The following GDPD1 variants were observed in gnomAD, a reference collection of about 807,000 sequenced individuals.
GDPD1 encodes the protein lysophospholipase D GDPD1.
Under a neutral mutation model 45.1 loss-of-function variants are expected in GDPD1, and 28 were observed. That is an observed-to-expected ratio of 0.62 (90% CI 0.46 to 0.85). The LOEUF (loss-of-function observed/expected upper bound fraction) is 0.85, where lower values mean the gene tolerates loss of function less well. Ranked by LOEUF, GDPD1 falls within the 40% of genes least tolerant of loss-of-function variation. GDPD1 has a pLI of 0.00. For missense variants in GDPD1, 256 were observed against 364.8 expected (o/e 0.70, Z 2.43); for synonymous variants, 139 against 131.4 (o/e 1.06, Z -0.40).
chr17:59,220,965 G>T (rs150400362), intron 1 of GDPD1, among the ~76,000 whole-genome samples: 1 of 152,170 alleles, frequency 6.6e-6, no homozygotes, highest in African/African-American at 2.4e-5. Flanking sequence ...CACGGCGGGG[G>T]TCTCTCGAGG....
intron 2 of GDPD1, among the ~76,000 whole-genome samples, chr17:59,239,629 A>G (rs1219731921): frequency 1.3e-5 from 2 of 152,122 alleles, no homozygotes; most frequent in African/African-American, 2.4e-5. Flanking sequence ...TTTTTTATCT[A>G]TTAGTTTGTC....
At chr17:59,231,623 G>T (rs1217605602) in intron 1 of GDPD1, among the ~76,000 whole-genome samples, 1 of 151,964 alleles carries the variant, frequency 6.6e-6, no homozygotes, top group Non-Finnish European at 1.5e-5. Flanking sequence ...ACCGCGCCCA[G>T]CCAAAAACAT....
intron 2 of GDPD1, among the ~76,000 whole-genome samples, chr17:59,240,101 T>C (rs990509680): frequency 6.6e-6 from 1 of 151,952 alleles, no homozygotes; most frequent in Non-Finnish European, 1.5e-5. Flanking sequence ...GACCAGCCTG[T>C]CCAATGTGGT....
At chr17:59,267,195 T>A in intron 7 of GDPD1, 21 bp downstream of exon 7, 1 of 1,590,620 alleles carries the variant, frequency 6.3e-7, no homozygotes, top group East Asian at 2.2e-5. Context: ...ACCCTTTTAT[T>A]TTAAAATCAA....
At chr17:59,249,684 G>T (rs1427629840) in intron 4 of GDPD1, among the ~76,000 whole-genome samples, 3 of 152,100 alleles carry the variant, frequency 2.0e-5, no homozygotes, top group Non-Finnish European at 4.4e-5. Flanking sequence ...CCACCTTAAG[G>T]TATGTGCTGA....
At chr17:59,220,862 G>T in intron 1 of GDPD1, 111 bp downstream of exon 1, 2 of 1,255,576 alleles carry the variant, frequency 1.6e-6, no homozygotes. Context: ...GGAAGAATGG[G>T]GTTGTGTGAA....
chr17:59,272,588 C>T (rs1353359450), intron 8 of GDPD1, among the ~76,000 whole-genome samples, 197 bp from the exon 9 acceptor site: 3 of 152,162 alleles, frequency 2.0e-5, no homozygotes, highest in Non-Finnish European at 2.9e-5. Context: ...TGGTTGTCCA[C>T]CAACCAGCAG....
At chr17:59,259,241 C>A (rs922008876) in intron 6 of GDPD1, among the ~76,000 whole-genome samples, 1 of 149,934 alleles carries the variant, frequency 6.7e-6, no homozygotes, top group East Asian at 2.0e-4. Flanking sequence ...ACCAGCCTGG[C>A]GAACATGGCA....
chr17:59,234,114 G>A lies in GDPD1; in HGVS notation c.143-378G>A, dbSNP rs1414704019. On this transcript the variant is annotated intron_variant, in intron 1 of 9. Coordinates refer to ENST00000284116, the MANE Select transcript of GDPD1 (RefSeq NM_182569.4). ...AAACACTTGTACACTTTGGGAGGCC[G>A]AGATGGACAGATCACGCGGTCAGGA... Among the ~76,000 whole-genome samples, 6 of 151,980 alleles carry A rather than the reference G, an allele frequency of 3.9e-5. No homozygotes were observed. In the Admixed American group the frequency reaches 3.9e-4, roughly 10 times the overall value.
intron 1 of GDPD1, among the ~76,000 whole-genome samples, chr17:59,230,213 T>A (rs2047078132): frequency 6.6e-6 from 1 of 151,890 alleles, no homozygotes; most frequent in South Asian, 2.1e-4. Flanking sequence ...GGATAAACTG[T>A]TGAAGTTTTA....
chr17:59,244,206 C>T (rs567380378), intron 2 of GDPD1, among the ~76,000 whole-genome samples: 6 of 152,246 alleles, frequency 3.9e-5, no homozygotes, highest in East Asian at 1.9e-4. Context: ...CGGGGTCTTG[C>T]GTCCCTTCTC....
rs575630226 is a variant in GDPD1 at position 59,270,960 on chromosome 17, C to G, written c.735C>G (p.Ser245=). 25 of 1,604,202 alleles carry G rather than the reference C, an allele frequency of 1.6e-5. No individual in the cohort carries two copies. The South Asian group carries it at 2.8e-4, about 18-fold the overall frequency. Residue 245 remains serine, a synonymous_variant, in exon 8 of 10, where the codon TCC becomes TCG. Coordinates refer to ENST00000284116, the MANE Select transcript of GDPD1 (RefSeq NM_182569.4). The part of the protein sequence containing the change: ...ILKLKEPHTM[S]RSQKFLIWLS... ...GGCTAAAAGAACCACACACCATGTCCAGAAGTCAAAAGTTTCTCATCTGGC... is the reference window on the plus strand; with the variant it reads ...GGCTAAAAGAACCACACACCATGTCGAGAAGTCAAAAGTTTCTCATCTGGC...
Position 59,274,897 on chromosome 17 carries a change from A to C in GDPD1, c.*1124A>C, listed in dbSNP as rs1395809337. Among the ~76,000 whole-genome samples, 5 of 146,326 alleles carry C rather than the reference A, an allele frequency of 3.4e-5. No homozygotes were observed. Among genetic ancestry groups the C allele is most frequent in the Non-Finnish European group, 6.0e-5 (4 of 66,842 alleles). On this transcript the variant is annotated 3_prime_UTR_variant, in exon 10 of 10. Transcript: ENST00000284116. ...TGCTCTGTCGCCGAGGCCGGAGTGC[A>C]GTGGTGCGATCTTGGCTCACTGCAA...
intron 6 of GDPD1, among the ~76,000 whole-genome samples, chr17:59,263,982 T>A (rs1195373383): frequency 6.6e-6 from 1 of 152,076 alleles, no homozygotes; most frequent in African/African-American, 2.4e-5. Context: ...GTTGCATAAG[T>A]ATTTTTAATT....
intron 4 of GDPD1, among the ~76,000 whole-genome samples, chr17:59,249,655 T>C (rs1241209526): frequency 1.3e-5 from 2 of 152,206 alleles, no homozygotes; most frequent in African/African-American, 4.8e-5. Flanking sequence ...TTACTTCAGA[T>C]GTTAGAATGG....
chr17:59,257,428 G>C lies in GDPD1; in HGVS notation c.486+188G>C, dbSNP rs531563585. Reference sequence around the variant, plus strand: ...GTAGGAGAGAGCCTATTTTCAGAGAGAGTTGGCATGTCATGGATAAAATAA... The same window carrying C: ...GTAGGAGAGAGCCTATTTTCAGAGACAGTTGGCATGTCATGGATAAAATAA... On this transcript the variant is annotated intron_variant, in intron 5 of 9. Coordinates refer to ENST00000284116, the MANE Select transcript of GDPD1 (RefSeq NM_182569.4). Among the ~76,000 whole-genome samples the C allele has an allele frequency of 4.6e-5, 7 of 152,284 alleles. No homozygotes were observed. The East Asian group carries it at 9.6e-4, about 21-fold the overall frequency.
chr17:59,249,408 A>G (rs1372903216), intron 4 of GDPD1, among the ~76,000 whole-genome samples: 1 of 152,032 alleles, frequency 6.6e-6, no homozygotes, highest in Non-Finnish European at 1.5e-5. Flanking sequence ...AAAAATATAT[A>G]TAATGAAAAT....
intron 2 of GDPD1, among the ~76,000 whole-genome samples, chr17:59,242,427 T>A (rs1442786275): frequency 2.0e-5 from 3 of 152,188 alleles, no homozygotes; most frequent in Non-Finnish European, 4.4e-5. Flanking sequence ...TTCTAAAAAT[T>A]CAAACAACTC....
intron 2 of GDPD1, among the ~76,000 whole-genome samples, chr17:59,239,780 T>G (rs1283012881): frequency 6.6e-6 from 1 of 151,444 alleles, no homozygotes; most frequent in Non-Finnish European, 1.5e-5. Context: ...TTTTTTTAAT[T>G]GCCAGCATAG....
Sources: gnomAD v4.1 joint callset for allele counts (sites outside exome capture counted in the v4.1 genomes callset) on GRCh38, gnomAD v4.1.1 for gene constraint, MANE v1.5 for transcripts, NCBI Gene and HGNC (gene_info 2026-07-23, HGNC 2026-07-21) for gene names.